Variants in RNF38 observed in about 807,000 individuals in gnomAD.
RNF38 encodes ring finger protein 38.
Under a neutral mutation model 67.2 loss-of-function variants are expected in RNF38, and 15 were observed. The observed-to-expected ratio is 0.22, with a 90% confidence interval of 0.15 to 0.34. The LOEUF is 0.34. Ranked by LOEUF, RNF38 falls within the 10% of genes least tolerant of loss-of-function variation. The pLI is 1.00. For missense variants in RNF38, 524 were observed against 639.9 expected (o/e 0.82, Z 1.95); for synonymous variants, 220 against 218.8 (o/e 1.01, Z -0.05).
chr9:36,474,245 G>A (rs938601900), intron 1 of RNF38, among the ~76,000 whole-genome samples: 10 of 150,880 alleles, frequency 6.6e-5, no homozygotes, highest in African/African-American at 9.8e-5. Flanking sequence ...CCTGGGAGGC[G>A]GAGCTTGCAG....
intron 1 of RNF38, among the ~76,000 whole-genome samples, chr9:36,432,142 G>T (rs944643802): frequency 6.7e-6 from 1 of 148,288 alleles, no homozygotes; most frequent in African/African-American, 2.5e-5. Flanking sequence ...AGTTTTTTTT[G>T]TTTTTTTTTT....
intron 1 of RNF38, among the ~76,000 whole-genome samples, chr9:36,443,846 T>C (rs1378858177): frequency 2.0e-5 from 3 of 152,128 alleles, no homozygotes; most frequent in African/African-American, 7.2e-5. Flanking sequence ...ATGGTGAATA[T>C]ACACAGAAGA....
chr9:36,375,896 T>C, intron 3 of RNF38, 38 bp downstream of exon 3: 1 of 1,554,476 alleles, frequency 6.4e-7, no homozygotes, highest in Non-Finnish European at 8.7e-7. Context: ...AATCTACCAA[T>C]GGAAGAAAAC....
chr9:36,404,915 GT>G (rs35610341), upstream of RNF38, among the ~76,000 whole-genome samples: 2 of 150,618 alleles, frequency 1.3e-5, no homozygotes, highest in Admixed American at 1.3e-4. Flanking sequence ...TTGTAGTTTT[GT>G]TTTTTTTTAA....
intron 1 of RNF38, among the ~76,000 whole-genome samples, chr9:36,469,658 T>C (rs968355509): frequency 1.3e-5 from 2 of 151,398 alleles, no homozygotes; most frequent in Non-Finnish European, 2.9e-5. Context: ...CAAAACTCCA[T>C]CTCAATAAAA....
At chr9:36,348,068 T>A (rs530826242) in intron 9 of RNF38, among the ~76,000 whole-genome samples, 138 of 151,724 alleles carry the variant, frequency 9.1e-4, no homozygotes, top group African/African-American at 3.3e-3. Flanking sequence ...AGAGTGAGAT[T>A]CCGTCTCAAA....
intron 10 of RNF38, among the ~76,000 whole-genome samples, chr9:36,343,880 T>C (rs1027273700): frequency 4.0e-5 from 6 of 151,478 alleles, no homozygotes; most frequent in African/African-American, 1.5e-4. Context: ...GGCACCAAGG[T>C]GAGGTAGAAA....
intron 1 of RNF38, among the ~76,000 whole-genome samples, chr9:36,435,883 C>A (rs1839054296): frequency 6.6e-6 from 1 of 152,192 alleles, no homozygotes; most frequent in African/African-American, 2.4e-5. Flanking sequence ...CCCGCCTCAG[C>A]CTCCCAAAGT....
chr9:36,457,048 G>A (rs1380948345), intron 1 of RNF38, among the ~76,000 whole-genome samples: 1 of 152,024 alleles, frequency 6.6e-6, no homozygotes, highest in Non-Finnish European at 1.5e-5. Flanking sequence ...AGATTATCAT[G>A]CAATAAAGTA....
upstream of RNF38, among the ~76,000 whole-genome samples, chr9:36,405,928 A>G (rs553866372): frequency 2.0e-5 from 3 of 152,318 alleles, no homozygotes; most frequent in East Asian, 3.9e-4. Flanking sequence ...TATTTTTGTG[A>G]CCAGTTTTGC....
At chr9:36,385,100 G>A (rs1415015635) in intron 2 of RNF38, among the ~76,000 whole-genome samples, 1 of 151,806 alleles carries the variant, frequency 6.6e-6, no homozygotes, top group Non-Finnish European at 1.5e-5. Flanking sequence ...TTGGAAAAGT[G>A]AAAAAGCTCG....
Position 36,338,343 on chromosome 9 carries a change from T to C in RNF38, c.*1409A>G, listed in dbSNP as rs564370136. 6.6e-6 allele frequency: 1 copy of C among 152,360 alleles called. No homozygotes were observed. Among genetic ancestry groups the C allele is most frequent in the Non-Finnish European group, 1.5e-5 (1 of 68,034 alleles). 9.4% of individuals were successfully genotyped at this position (152,360 alleles called of 1,614,324 possible). A position where few individuals can be genotyped will look rare whatever the true frequency, so the allele number is the denominator to read the frequency against. On this transcript the variant is annotated 3_prime_UTR_variant, in exon 12 of 12. Coordinates refer to ENST00000259605, the MANE Select transcript of RNF38 (RefSeq NM_022781.5). ...TATACAAAAACCAAATCTTCATTTA[T>C]ACTGCAAGTATTCTGGACACCTGTT...
chr9:36,440,701 T>C (rs949468277), intron 1 of RNF38, among the ~76,000 whole-genome samples: 1 of 152,180 alleles, frequency 6.6e-6, no homozygotes, highest in Non-Finnish European at 1.5e-5. Context: ...GTAATTATCC[T>C]TGAAAAGGAC....
chr9:36,381,721 T>G (rs533680145), intron 2 of RNF38, among the ~76,000 whole-genome samples: 2 of 152,260 alleles, frequency 1.3e-5, no homozygotes, highest in Non-Finnish European at 2.9e-5. Context: ...CTTCAAGATA[T>G]TCTGTGTCTT....
intron 1 of RNF38, among the ~76,000 whole-genome samples, chr9:36,464,740 A>T (rs1302564974): frequency 2.0e-5 from 3 of 152,228 alleles, no homozygotes; most frequent in Non-Finnish European, 2.9e-5. Context: ...AAAACAAGTT[A>T]AAATACAGAT....
At chr9:36,452,091 C>T (rs1179814100) in intron 1 of RNF38, among the ~76,000 whole-genome samples, 1 of 151,940 alleles carries the variant, frequency 6.6e-6, no homozygotes, top group Non-Finnish European at 1.5e-5. Flanking sequence ...CACACGATGC[C>T]GTGTGCCTAC....
chr9:36,406,803 A>G (rs1838195336), intron 2 of RNF38, among the ~76,000 whole-genome samples: 1 of 152,232 alleles, frequency 6.6e-6, no homozygotes, highest in Non-Finnish European at 1.5e-5. Flanking sequence ...CCCTGAAGCT[A>G]GCTTTGCTGT....
At chr9:36,396,577 G>T (rs1018653505) in intron 1 of RNF38, among the ~76,000 whole-genome samples, 3 of 152,104 alleles carry the variant, frequency 2.0e-5, no homozygotes, top group Non-Finnish European at 4.4e-5. Flanking sequence ...GGTACTCAAA[G>T]TCCCGGATGG....
At chr9:36,427,669 A>ATCTATCTG (rs1838808096) in intron 1 of RNF38, among the ~76,000 whole-genome samples, 4 of 31,202 alleles carry the variant, frequency 1.3e-4, no homozygotes. Context: ...CTATCTATCT[A>ATCTATCTG]TCTATCTATC....
Sources: allele counts gnomAD v4.1 joint callset (sites outside exome capture counted in the v4.1 genomes callset), GRCh38; gene constraint gnomAD v4.1.1; transcripts MANE v1.5; gene names NCBI Gene and HGNC (gene_info 2026-07-23, HGNC 2026-07-21).